ANTXR1: variants seen among roughly 807,000 people sequenced by gnomAD.
ANTXR1 encodes the protein ANTXR cell adhesion molecule 1, also known as anthrax toxin receptor 1.
A neutral mutation model predicts 78.1 loss-of-function variants in ANTXR1; 19 were observed. The observed-to-expected ratio is 0.24, with a 90% CI of 0.17 to 0.36. The LOEUF (loss-of-function observed/expected upper bound fraction) is 0.36, where lower values mean the gene tolerates loss of function less well. ANTXR1 is among the 10% of genes least tolerant of loss of function. The pLI, the probability that ANTXR1 is intolerant of heterozygous loss-of-function variation, is 1.00. For synonymous variants in ANTXR1, 273 were observed against 260.5 expected, an observed-to-expected ratio of 1.05 and a Z score of -0.46; for missense variants, 518 against 718.6, an observed-to-expected ratio of 0.72 and a Z score of 3.19.
intron 17 of ANTXR1, among the ~76,000 whole-genome samples, chr2:69,205,154 G>C (rs1157931187): frequency 1.9e-4 from 29 of 152,178 alleles, no homozygotes; most frequent in Admixed American, 1.9e-3. Flanking sequence ...TGGGAGCATA[G>C]AGCCAGAAGA....
At chr2:69,157,765 G>A (rs1441910045) in intron 13 of ANTXR1, among the ~76,000 whole-genome samples, 5 of 152,164 alleles carry the variant, frequency 3.3e-5, no homozygotes, top group Admixed American at 2.6e-4. Context: ...CTAGGATTCC[G>A]CATCTCCCAC....
intron 2 of ANTXR1, among the ~76,000 whole-genome samples, chr2:69,042,436 G>A (rs1355909186): frequency 6.6e-6 from 1 of 151,980 alleles, no homozygotes; most frequent in East Asian, 1.9e-4. Flanking sequence ...CCCATGTAAG[G>A]CCAACCTCTC....
chr2:69,096,286 A>C lies in ANTXR1; in HGVS notation c.703+5367A>C, dbSNP rs964538073. Among the ~76,000 whole-genome samples the C allele has an allele frequency of 6.6e-4, 24 of 36,494 alleles. 4 individuals are homozygous for C. The East Asian group carries it at 7.2e-3, about 11-fold the overall frequency. 23.9% of individuals were successfully genotyped at this position (36,494 alleles called of 152,430 possible). A position where few individuals can be genotyped will look rare whatever the true frequency, so the allele number is the denominator to read the frequency against. On this transcript the variant is annotated intron_variant, in intron 9 of 17. Transcript: ENST00000303714. ...GAAGGAAGGAAGGAAGGAAGGAAGGAAGGGAGGAAGGGAGGAAGGGAGGAA... is the reference window on the plus strand; with the variant it reads ...GAAGGAAGGAAGGAAGGAAGGAAGGCAGGGAGGAAGGGAGGAAGGGAGGAA...
rs939766242 is a variant in ANTXR1, at chr2:69,124,731, C to A, written c.951+88C>A. 8.1e-6 allele frequency: 12 copies of A among 1,480,968 alleles called. No individual in the cohort carries two copies. The Admixed American group carries it at 1.4e-4, about 17-fold the overall frequency. 91.7% of individuals were successfully genotyped at this position (1,480,968 alleles called of 1,614,324 possible). A position where few individuals can be genotyped will look rare whatever the true frequency, so the allele number is the denominator to read the frequency against. On this transcript the variant is annotated intron_variant, in intron 12 of 17. Coordinates refer to ENST00000303714, the MANE Select transcript of ANTXR1 (RefSeq NM_032208.3). ...AAGCAGTAATCTTCTCCAAAGGTAC[C>A]CTGGAAAGTTTTTTGGTTCTTCGTT... is the stretch of plus-strand genomic sequence containing the variant.
chr2:69,138,756 A>T (rs562954445), intron 12 of ANTXR1, among the ~76,000 whole-genome samples: 4 of 152,312 alleles, frequency 2.6e-5, no homozygotes, highest in East Asian at 1.9e-4. Context: ...TTCATTTTTT[A>T]AAAAAATAAA....
intron 1 of ANTXR1, among the ~76,000 whole-genome samples, chr2:69,028,710 T>C (rs1173972030): frequency 6.6e-6 from 1 of 152,310 alleles, no homozygotes; most frequent in Non-Finnish European, 1.5e-5. Context: ...GACATAATAT[T>C]GCATCAACAG....
intron 9 of ANTXR1, among the ~76,000 whole-genome samples, chr2:69,094,076 C>T (rs1406307612): frequency 2.6e-5 from 4 of 152,344 alleles, no homozygotes; most frequent in Non-Finnish European, 5.9e-5. Context: ...TCTTGTTGAC[C>T]ATTCTCTGGA....
chr2:69,170,383 G>A (rs1447039834), intron 14 of ANTXR1, 94 bp downstream of exon 14: 4 of 1,428,630 alleles, frequency 2.8e-6, no homozygotes. Context: ...CCCCTGCAGA[G>A]CAGAGCTAAG....
At chr2:69,113,959 A>C (rs1033444673) in intron 10 of ANTXR1, among the ~76,000 whole-genome samples, 1 of 152,236 alleles carries the variant, frequency 6.6e-6, no homozygotes, top group Admixed American at 6.5e-5. Flanking sequence ...TCAACAGTCA[A>C]GAATTGTTTT....
At chr2:69,192,657 A>G (rs1437652070) in intron 16 of ANTXR1, among the ~76,000 whole-genome samples, 2 of 152,214 alleles carry the variant, frequency 1.3e-5, no homozygotes, top group Non-Finnish European at 2.9e-5. Flanking sequence ...AATACAAATA[A>G]AAGTCACCTG....
chr2:69,067,261 C>T (rs1175116450), intron 3 of ANTXR1, among the ~76,000 whole-genome samples: 1 of 136,918 alleles, frequency 7.3e-6, no homozygotes, highest in African/African-American at 2.8e-5. Flanking sequence ...TACAAAGCAT[C>T]AAGGATAAGG....
chr2:69,027,117 A>G (rs938157964), intron 1 of ANTXR1, among the ~76,000 whole-genome samples: 1 of 152,086 alleles, frequency 6.6e-6, no homozygotes, highest in Non-Finnish European at 1.5e-5. Flanking sequence ...CCTGAGAGAG[A>G]TGAGAACCAT....
At chr2:69,171,732 C>T (rs1673991683) in intron 14 of ANTXR1, among the ~76,000 whole-genome samples, 2 of 152,260 alleles carry the variant, frequency 1.3e-5, no homozygotes, top group East Asian at 1.9e-4. Context: ...TAGGGTTGCA[C>T]ACACAGTACA....
chr2:69,046,519 G>A (rs1194705819), intron 3 of ANTXR1, among the ~76,000 whole-genome samples: 1 of 152,134 alleles, frequency 6.6e-6, no homozygotes, highest in Non-Finnish European at 1.5e-5. Context: ...ATTTTGTATG[G>A]GTCAAATGTG....
intron 1 of ANTXR1, among the ~76,000 whole-genome samples, chr2:69,025,631 TAAGAG>T (rs146335237): frequency 0.068 from 10,393 of 152,104 alleles, 674 homozygotes; most frequent in East Asian, 0.23. Flanking sequence ...CTATAGCAAA[TAAGAG>T]AAAAGTGAAG....
intron 12 of ANTXR1, among the ~76,000 whole-genome samples, chr2:69,146,611 G>A (rs527798783): frequency 5.3e-5 from 8 of 152,312 alleles, no homozygotes; most frequent in African/African-American, 1.4e-4. Flanking sequence ...TGTCATCTGC[G>A]TCATAAAGTC....
At chr2:69,081,503 T>C (rs1054412482) in intron 8 of ANTXR1, among the ~76,000 whole-genome samples, 3 of 152,260 alleles carry the variant, frequency 2.0e-5, no homozygotes, top group Non-Finnish European at 4.4e-5. Flanking sequence ...GTTTCTTAAC[T>C]GAGAGGGATA....
At chr2:69,096,602 T>C (rs1236504061) in intron 9 of ANTXR1, among the ~76,000 whole-genome samples, 1 of 152,028 alleles carries the variant, frequency 6.6e-6, no homozygotes, top group Admixed American at 6.5e-5. Flanking sequence ...TCAGAGGTTA[T>C]AAACTGGCAG....
chr2:69,171,713 C>T (rs895275116), intron 14 of ANTXR1, among the ~76,000 whole-genome samples: 1 of 152,214 alleles, frequency 6.6e-6, no homozygotes, highest in Non-Finnish European at 1.5e-5. Context: ...CCAGATCCAA[C>T]ATCTAGCCTA....
Sources: allele counts gnomAD v4.1 joint callset (sites outside exome capture counted in the v4.1 genomes callset), GRCh38; gene constraint gnomAD v4.1.1; transcripts MANE v1.5; gene names NCBI Gene and HGNC (gene_info 2026-07-23, HGNC 2026-07-21).